The following TYMS variants were observed in gnomAD, a reference collection of about 807,000 sequenced individuals.
TYMS encodes thymidylate synthetase.
In TYMS, 21 loss-of-function variants were observed where a neutral mutation model predicts 39.3. The observed-to-expected ratio is 0.54, with a 90% CI of 0.38 to 0.77. The LOEUF (loss-of-function observed/expected upper bound fraction) is 0.77, where lower values mean the gene tolerates loss of function less well. Ranked by LOEUF, TYMS falls within the 30% of genes least tolerant of loss-of-function variation. TYMS has a pLI of 0.00. For missense variants in TYMS, 273 were observed against 406.7 expected, an observed-to-expected ratio of 0.67 and a Z score of 2.83; for synonymous variants, 171 against 162.2, an observed-to-expected ratio of 1.05 and a Z score of -0.41.
chr18:667,559 T>TGATGGA (rs1567990965), intron 3 of TYMS, among the ~76,000 whole-genome samples: 8 of 66,342 alleles, frequency 1.2e-4, no homozygotes, highest in Admixed American at 3.9e-4. Context: ...ATGGAGATGG[T>TGATGGA]GATGGTGATG....
intron 6 of TYMS, chr18:672,651 A>G: frequency 2.4e-6 from 1 of 423,296 alleles, no homozygotes; most frequent in Non-Finnish European, 4.1e-6. Flanking sequence ...GTAATGTCAC[A>G]AAATACCCCT....
intron 2 of TYMS, among the ~76,000 whole-genome samples, 160 bp downstream of exon 2, chr18:659,874 C>T (rs1206932629): frequency 6.6e-6 from 1 of 152,134 alleles, no homozygotes; most frequent in Non-Finnish European, 1.5e-5. Context: ...GAATTTGAGA[C>T]CAGCCTGGCC....
intron 4 of TYMS, 192 bp downstream of exon 4, chr18:669,365 G>A (rs1336397365): frequency 2.9e-6 from 1 of 340,450 alleles, no homozygotes; most frequent in East Asian, 4.1e-5. Context: ...GGGCCCAGAG[G>A]ATTTTTTTTT....
At chr18:657,970 G>C (rs757102809) in intron 1 of TYMS, 23 bp downstream of exon 1, 90 of 1,508,682 alleles carry the variant, frequency 6.0e-5, no homozygotes, top group Non-Finnish European at 7.3e-5. Context: ...GCCCCTGCGG[G>C]ACGGGTGGCG....
In TYMS at chr18:673,048, T is replaced by TG. The variant is rs751196429; in HGVS notation, c.*53dup. On this transcript the variant is annotated 3_prime_UTR_variant, in exon 7 of 7. Transcript: ENST00000323274. ...TATTGTCAGTCTTTAGGGGTTGGGC[T>TG]GGATGCCGAGGTAAAAGTTCTTTTT... The TG allele has an allele frequency of 1.2e-5, 18 of 1,448,728 alleles. No homozygotes were observed. Among genetic ancestry groups the TG allele is most frequent in the Non-Finnish European group, 1.7e-5 (18 of 1,083,616 alleles). The allele number at this position is 1,448,728 out of a possible 1,614,324, so 89.7% of individuals were successfully genotyped here.
intron 2 of TYMS, among the ~76,000 whole-genome samples, chr18:659,972 G>A (rs1450287563): frequency 6.6e-6 from 1 of 152,210 alleles, no homozygotes; most frequent in Non-Finnish European, 1.5e-5. Flanking sequence ...TACTCAGGAG[G>A]CTGAGGCATG....
rs1327389414 is a variant in TYMS at position 658,752 on chromosome 18, T to G, written c.205+805T>G. ...GCGCGGGGGAGGGGACTCGAAGGTG[T>G]GTGAGCCAGGGGCTGACCTTGACCG... is the stretch of plus-strand genomic sequence containing the variant. On this transcript the variant is annotated intron_variant, in intron 1 of 6. Transcript: ENST00000323274. This position sits in a 1 kb window ranked among gnomAD's most constrained non-coding sequence, Gnocchi z 4.5. The G allele has an allele frequency of 9.7e-6, 2 of 207,252 alleles. No individual in the cohort carries two copies. The highest frequency in any genetic ancestry group is 4.8e-5 in the African/African-American group (2 of 41,684). The allele number at this position is 207,252 out of a possible 1,614,324, so 12.8% of individuals were successfully genotyped here. A position where few individuals can be genotyped will look rare whatever the true frequency, so the allele number is the denominator to read the frequency against.
Position 657,669 on chromosome 18 carries a change from TCCC to T in TYMS, c.-73_-71del. On this transcript the variant is annotated 5_prime_UTR_variant, in exon 1 of 7. Coordinates refer to ENST00000323274, the MANE Select transcript of TYMS (RefSeq NM_001071.4). ...CACCGCGCCACTTGGCCTGCCTCCG[TCCC>T]GCCGCGCCACTTGGCCTGCCTCCGT... is the stretch of plus-strand genomic sequence containing the variant. 2.8e-6 allele frequency: 1 copy of T among 363,304 alleles called. No individual in the cohort carries two copies. Among genetic ancestry groups the T allele is most frequent in the Non-Finnish European group, 3.8e-6 (1 of 264,638 alleles). 22.5% of individuals were successfully genotyped at this position (363,304 alleles called of 1,614,324 possible).
At chr18:666,555 A>G (rs1452843269) in intron 3 of TYMS, among the ~76,000 whole-genome samples, 2 of 152,104 alleles carry the variant, frequency 1.3e-5, no homozygotes, top group Non-Finnish European at 2.9e-5. Context: ...TGTGTGTGCA[A>G]TTTACTAGCT....
At chr18:668,973 G>A (rs2074921269) in intron 3 of TYMS, 99 bp from the exon 4 acceptor site, 4 of 973,200 alleles carry the variant, frequency 4.1e-6, no homozygotes, top group South Asian at 3.3e-5. Context: ...GTCAAGGGGG[G>A]ACCCTGGGTA....
chr18:661,542 C>A (rs1029132675), intron 2 of TYMS, among the ~76,000 whole-genome samples: 10 of 152,140 alleles, frequency 6.6e-5, no homozygotes, highest in African/African-American at 2.4e-4. Flanking sequence ...ACTGTCAGAT[C>A]GGTGGAATAC....
chr18:658,448 G>T lies in TYMS; in HGVS notation c.205+501G>T. On this transcript the variant is annotated intron_variant, in intron 1 of 6. Coordinates refer to ENST00000323274, the MANE Select transcript of TYMS (RefSeq NM_001071.4). The surrounding 1 kb of genome is among the most constrained non-coding windows in gnomAD (Gnocchi z 4.5). ...AAGAGGAGAGCACTGAAGCTGGCGC[G>T]GGAACTTGGTTTCCTGGTGGCCTCC... 1 of 811,102 alleles carries T rather than the reference G, an allele frequency of 1.2e-6. No homozygotes were observed. Among genetic ancestry groups the T allele is most frequent in the East Asian group, 7.4e-5 (1 of 13,480 alleles). 50.2% of individuals were successfully genotyped at this position (811,102 alleles called of 1,614,324 possible).
At chr18:672,663 A>T (rs1317493549) in intron 6 of TYMS, 197 bp from the exon 7 acceptor site, 5 of 446,910 alleles carry the variant, frequency 1.1e-5, no homozygotes, top group African/African-American at 3.9e-5. Flanking sequence ...AATACCCCTC[A>T]CTCTCGATCT....
chr18:662,121 G>A, intron 2 of TYMS, 25 bp from the exon 3 acceptor site: 1 of 1,586,298 alleles, frequency 6.3e-7, no homozygotes, highest in Non-Finnish European at 8.6e-7. Context: ...CTGGATGCCT[G>A]CTCTGCTCTC....
chr18:665,504 C>T (rs2074802205), intron 3 of TYMS, among the ~76,000 whole-genome samples: 1 of 142,472 alleles, frequency 7.0e-6, no homozygotes, highest in South Asian at 2.3e-4. Context: ...TTTTTTGTGT[C>T]TCTATTTCCT....
At position 665,437 on chromosome 18, in the gene TYMS, A is replaced by C. The variant is rs200168887; in HGVS notation, c.454+3117A>C. Among the ~76,000 whole-genome samples the C allele has an allele frequency of 2.4e-3, 357 of 150,036 alleles. 2 individuals are homozygous for C. The highest frequency in any genetic ancestry group is 7.8e-3 in the African/African-American group (317 of 40,618). On this transcript the variant is annotated intron_variant, in intron 3 of 6. Coordinates refer to ENST00000323274, the MANE Select transcript of TYMS (RefSeq NM_001071.4). Reference sequence around the variant, plus strand: ...TTTATTAGTCTTGCTAGCGGTCTATAAATTTTGTTGATCCTTTCAAAAAAC... The same window carrying C: ...TTTATTAGTCTTGCTAGCGGTCTATCAATTTTGTTGATCCTTTCAAAAAAC...
chr18:662,357 G>C (rs1309706961), intron 3 of TYMS, 37 bp downstream of exon 3: 2 of 1,556,414 alleles, frequency 1.3e-6, no homozygotes, highest in Admixed American at 3.9e-5. Context: ...TTTCCCGGGT[G>C]CCCTTCCTAG....
intron 3 of TYMS, among the ~76,000 whole-genome samples, chr18:664,635 T>C (rs1217580905): frequency 2.1e-5 from 3 of 143,112 alleles, no homozygotes; most frequent in African/African-American, 5.4e-5. Context: ...GCCCATTCAG[T>C]ATGATATTGG....
In TYMS at chr18:673,099, C is replaced by T; in HGVS notation, c.*102C>T. 3 of 1,285,186 alleles carry T rather than the reference C, an allele frequency of 2.3e-6. No homozygotes were observed. The highest frequency in any genetic ancestry group is 3.1e-6 in the Non-Finnish European group (3 of 955,098). The allele number at this position is 1,285,186 out of a possible 1,614,324, so 79.6% of individuals were successfully genotyped here. The stretch of plus-strand genomic sequence containing the variant: ...GCTCTAAAAGAAAAAGGAACTAGGT[C>T]AAAAATCTGTCCGTGACCTATCAGT... On this transcript the variant is annotated 3_prime_UTR_variant, in exon 7 of 7. Transcript: ENST00000323274.
Sources: allele counts gnomAD v4.1 joint callset (sites outside exome capture counted in the v4.1 genomes callset), GRCh38; gene constraint gnomAD v4.1.1; non-coding constraint Gnocchi (gnomAD v3.1); transcripts MANE v1.5; gene names NCBI Gene and HGNC (gene_info 2026-07-23, HGNC 2026-07-21).